The following CCDC40 variants were observed in gnomAD, a reference collection of about 807,000 sequenced individuals.
CCDC40 encodes coiled-coil domain-containing protein 40.
Under a neutral mutation model 124.5 loss-of-function variants are expected in CCDC40, and 104 were observed. That is an observed-to-expected ratio of 0.84 (90% confidence interval 0.71 to 0.98). The LOEUF (loss-of-function observed/expected upper bound fraction) is 0.98, where lower values mean the gene tolerates loss of function less well. Among genes scored for constraint, CCDC40 ranks in the 50% least tolerant of loss-of-function variants. CCDC40 has a pLI of 0.00. For synonymous variants in CCDC40, 580 were observed against 602.9 expected, an observed-to-expected ratio of 0.96 and a Z score of 0.56; for missense variants, 1,463 against 1,503.9, an observed-to-expected ratio of 0.97 and a Z score of 0.45.
In CCDC40 at chr17:80,065,606, G is replaced by C. The variant is rs761560334; in HGVS notation, c.1562G>C (p.Arg521Thr). The change falls in exon 10 of 20, where the codon AGA becomes ACA. Residue 521 changes from arginine (R) to threonine (T), a missense_variant and splice_region_variant. Physicochemically the swap from Arg to Thr is moderately conservative, Grantham distance 71. Transcript: ENST00000397545. Reference protein sequence around the residue: ...EAHRAVLEALRGCQHQAKSTD... With the variant: ...EAHRAVLEALTGCQHQAKSTD... ...CACAGGGCGGTGCTGGAGGCGCTCAGGTACTGCAGGGCCACAGGCAGCGAG... is the reference window on the plus strand; with the variant it reads ...CACAGGGCGGTGCTGGAGGCGCTCACGTACTGCAGGGCCACAGGCAGCGAG... 3 of 1,612,118 alleles carry C rather than the reference G, an allele frequency of 1.9e-6. No individual in the cohort carries two copies. The highest frequency in any genetic ancestry group is 1.3e-5 in the African/African-American group (1 of 74,918).
intron 10 of CCDC40, among the ~76,000 whole-genome samples, chr17:80,074,894 A>G (rs2038275881): frequency 6.6e-6 from 1 of 152,028 alleles, no homozygotes. Flanking sequence ...CGTTAAGGAT[A>G]TTCGTGATTC....
At chr17:80,062,681 G>A (rs965283111) in intron 9 of CCDC40, among the ~76,000 whole-genome samples, 2 of 152,078 alleles carry the variant, frequency 1.3e-5, no homozygotes, top group Non-Finnish European at 2.9e-5. Flanking sequence ...CTGGGTCCAA[G>A]CAATCCTCCC....
intron 3 of CCDC40, 88 bp downstream of exon 3, chr17:80,040,358 A>T: frequency 3.2e-6 from 4 of 1,248,362 alleles, no homozygotes; most frequent in Non-Finnish European, 4.5e-6. Context: ...AATACATTAT[A>T]AATACAAATT....
intron 10 of CCDC40, among the ~76,000 whole-genome samples, chr17:80,068,694 G>T (rs1423617433): frequency 1.3e-5 from 2 of 151,990 alleles, no homozygotes; most frequent in Non-Finnish European, 2.9e-5. Context: ...GGACCCCCTG[G>T]CCCAGAAGCT....
chr17:80,094,338 G>A (rs553863571), intron 17 of CCDC40, among the ~76,000 whole-genome samples: 90 of 152,074 alleles, frequency 5.9e-4, no homozygotes, highest in Non-Finnish European at 8.8e-4. Context: ...CTTGAATCTG[G>A]GAGGTGGAAG....
At chr17:80,047,614 G>A (rs982131568) in intron 4 of CCDC40, among the ~76,000 whole-genome samples, 3 of 152,230 alleles carry the variant, frequency 2.0e-5, no homozygotes, top group African/African-American at 7.2e-5. Context: ...CGATGAAGTA[G>A]GAATCCTTCT....
Position 80,066,287 on chromosome 17 carries a change from A to C in CCDC40, c.1562+681A>C. On this transcript the variant is annotated intron_variant, in intron 10 of 19. Coordinates refer to ENST00000397545, the MANE Select transcript of CCDC40 (RefSeq NM_017950.4). The surrounding 1 kb of genome is among the most constrained non-coding windows in gnomAD (Gnocchi z 4.4). ...GCAAGCGCTCAAGAAAGGCTGGACC[A>C]AGGAATGAGGGTCTGGCTGGCCCCA... 4 of 650,428 alleles carry C rather than the reference A, an allele frequency of 6.1e-6. No homozygotes were observed. Among genetic ancestry groups the C allele is most frequent in the Non-Finnish European group, 1.1e-5 (4 of 355,938 alleles). The allele number at this position is 650,428 out of a possible 1,614,324, so 40.3% of individuals were successfully genotyped here.
rs57223895 is a variant in CCDC40 at position 80,096,511 on chromosome 17, C to T, written c.3022-734C>T. ...CCATCCCTCCCTCAGCTTCCTAGCC[C>T]GGCCCCTGACCACTCCTTGCTGCCC... On this transcript the variant is annotated intron_variant, in intron 18 of 19. Transcript: ENST00000397545. Among the ~76,000 whole-genome samples the T allele has an allele frequency of 2.8e-3, 427 of 152,202 alleles. 3 individuals are homozygous for T. Among genetic ancestry groups the T allele is most frequent in the African/African-American group, 9.9e-3 (411 of 41,526 alleles).
At chr17:80,076,492 G>A (rs1009196703) in intron 10 of CCDC40, among the ~76,000 whole-genome samples, 21 of 151,276 alleles carry the variant, frequency 1.4e-4, no homozygotes, top group Non-Finnish European at 4.4e-5. Context: ...GTGGTGGCTT[G>A]AGCCTAGGAG....
At position 80,087,983 on chromosome 17, in the gene CCDC40, C is replaced by T. The variant is rs754245150; in HGVS notation, c.2620-28C>T. The T allele has an allele frequency of 3.9e-6, 6 of 1,543,110 alleles. No homozygotes were observed. In the South Asian group the frequency reaches 6.7e-5, roughly 17 times the overall value. On this transcript the variant is annotated intron_variant, in intron 15 of 19. Coordinates refer to ENST00000397545, the MANE Select transcript of CCDC40 (RefSeq NM_017950.4). This position sits in a 1 kb window ranked among gnomAD's most constrained non-coding sequence, Gnocchi z 4.5. Reference sequence around the variant, plus strand: ...ATCCACAATCCCATGGCCCTCCCCACAGCTGTCCCGCCCCCTCCCCCATGC... The same window carrying T: ...ATCCACAATCCCATGGCCCTCCCCATAGCTGTCCCGCCCCCTCCCCCATGC...
Position 80,086,311 on chromosome 17 carries a change from CT to C in CCDC40, c.2449+96del. On this transcript the variant is annotated intron_variant, in intron 14 of 19. Transcript: ENST00000397545. The surrounding 1 kb of genome is among the most constrained non-coding windows in gnomAD (Gnocchi z 5.5). Reference sequence around the variant, plus strand: ...GAGGGGCACTCAGTGGGGCACGTCGCTGGATTTGCACGCAGCCTTAAAAGCA... The same window carrying C: ...GAGGGGCACTCAGTGGGGCACGTCGCGGATTTGCACGCAGCCTTAAAAGCA... The C allele has an allele frequency of 2.0e-6, 2 of 1,007,952 alleles. No individual in the cohort carries two copies. Among genetic ancestry groups the C allele is most frequent in the Non-Finnish European group, 3.0e-6 (2 of 656,504 alleles). 62.4% of individuals were successfully genotyped at this position (1,007,952 alleles called of 1,614,324 possible).
chr17:80,079,257 A>G (rs1399488203), intron 10 of CCDC40, among the ~76,000 whole-genome samples: 1 of 151,996 alleles, frequency 6.6e-6, no homozygotes, highest in Non-Finnish European at 1.5e-5. Context: ...TTTTTCTCAC[A>G]TCTCTCCCCA....
At position 80,040,247 on chromosome 17, in the gene CCDC40, T is replaced by C. The variant is rs1175798674; in HGVS notation, c.529T>C (p.Ser177Pro). ...GPSEQMGQVT[S>P]GPAVGRLTGS... ...GTCGGAGCAAATGGGCCAGGTCACC[T>C]CTGGGCCAGCAGTGGGCAGATTGGT... is the stretch of plus-strand genomic sequence containing the variant. Residue 177 changes from serine to proline, a missense_variant, in exon 3 of 20, where the codon TCT becomes CCT. By Grantham distance (74) the Ser-to-Pro change is moderately conservative. Coordinates refer to ENST00000397545, the MANE Select transcript of CCDC40 (RefSeq NM_017950.4). The C allele has an allele frequency of 3.7e-6, 6 of 1,613,656 alleles. No individual in the cohort carries two copies. The highest frequency in any genetic ancestry group is 4.5e-5 in the East Asian group (2 of 44,884).
At chr17:80,079,389 G>A (rs888228169) in intron 10 of CCDC40, among the ~76,000 whole-genome samples, 1 of 151,892 alleles carries the variant, frequency 6.6e-6, no homozygotes, top group African/African-American at 2.4e-5. Flanking sequence ...AATCACCCGC[G>A]GCCGCTTAGT....
chr17:80,084,962 CTGGAGCGGA>C lies in CCDC40; in HGVS notation c.2213_2221del (p.Glu738_Met740del), dbSNP rs1568709870. On this transcript the variant is annotated inframe_deletion, in exon 13 of 20. Coordinates refer to ENST00000397545, the MANE Select transcript of CCDC40 (RefSeq NM_017950.4). ...GCTCATCAACTTCCTCAACAAGCAG[CTGGAGCGGA>C]TGGTCTCCGAGCTGGGGGTGAGGTC... 6.2e-7 allele frequency: 1 copy of C among 1,613,936 alleles called. No homozygotes were observed. Among genetic ancestry groups the C allele is most frequent in the Non-Finnish European group, 8.5e-7 (1 of 1,180,038 alleles).
chr17:80,070,306 C>T (rs557076966), intron 10 of CCDC40, among the ~76,000 whole-genome samples: 1 of 152,224 alleles, frequency 6.6e-6, no homozygotes, highest in Non-Finnish European at 1.5e-5. Context: ...TAAAAATGTG[C>T]CCCCATGGGC....
intron 7 of CCDC40, among the ~76,000 whole-genome samples, chr17:80,056,226 CTCTCTCTT>C (rs1376318586): frequency 6.6e-6 from 1 of 151,012 alleles, no homozygotes; most frequent in African/African-American, 2.4e-5. Context: ...GTATCTCTCT[CTCTCTCTT>C]TAACTTAAAT....
At chr17:80,050,569 A>G (rs2037559479) in intron 7 of CCDC40, among the ~76,000 whole-genome samples, 1 of 152,142 alleles carries the variant, frequency 6.6e-6, no homozygotes, top group African/African-American at 2.4e-5. Flanking sequence ...TGAGCCTCCC[A>G]AGTAGCTGGT....
At chr17:80,052,421 C>T (rs9906124) in intron 7 of CCDC40, among the ~76,000 whole-genome samples, 1 of 152,188 alleles carries the variant, frequency 6.6e-6, no homozygotes, top group African/African-American at 2.4e-5. Context: ...GCACTGTCAG[C>T]TGATGAGATG....
Sources: allele counts gnomAD v4.1 joint callset (sites outside exome capture counted in the v4.1 genomes callset), GRCh38; gene constraint gnomAD v4.1.1; non-coding constraint Gnocchi (gnomAD v3.1); transcripts MANE v1.5; gene names NCBI Gene and HGNC (gene_info 2026-07-23, HGNC 2026-07-21).